Variants in RIPOR2 observed in about 807,000 individuals in gnomAD.
The protein encoded by RIPOR2 is RHO family interacting cell polarization regulator 2, also known as rho family-interacting cell polarization regulator 2.
A neutral mutation model predicts 114.5 loss-of-function variants in RIPOR2; 39 were observed. The observed-to-expected ratio is 0.34, with a 90% CI of 0.26 to 0.44. The LOEUF (loss-of-function observed/expected upper bound fraction) is 0.44. Ranked by LOEUF, RIPOR2 falls within the 20% of genes least tolerant of loss-of-function variation. RIPOR2 has a pLI of 1.00. For synonymous variants in RIPOR2, 445 were observed against 484.4 expected (o/e 0.92, Z 1.07); for missense variants, 1,007 against 1,255.1 (o/e 0.80, Z 2.99).
intron 1 of RIPOR2, among the ~76,000 whole-genome samples, chr6:25,026,836 GC>G (rs1776649764): frequency 1.3e-5 from 2 of 152,190 alleles, no homozygotes; most frequent in South Asian, 4.1e-4. Flanking sequence ...AGAGGCTGAG[GC>G]CTGGGGGAAA....
At chr6:24,824,184 G>A (rs984532318) in intron 19 of RIPOR2, among the ~76,000 whole-genome samples, 1 of 152,182 alleles carries the variant, frequency 6.6e-6, no homozygotes, top group South Asian at 2.1e-4. Context: ...GCATGTTCAC[G>A]ATTCTTTAAT....
At chr6:24,916,434 T>G (rs1250767620) in intron 1 of RIPOR2, among the ~76,000 whole-genome samples, 6 of 152,230 alleles carry the variant, frequency 3.9e-5, no homozygotes, top group African/African-American at 1.2e-4. Flanking sequence ...AACTATGTTT[T>G]GTGCTGCATA....
At chr6:24,882,954 G>C (rs1297713032) in intron 1 of RIPOR2, among the ~76,000 whole-genome samples, 3 of 152,174 alleles carry the variant, frequency 2.0e-5, no homozygotes, top group Non-Finnish European at 4.4e-5. Flanking sequence ...TTTGGCCAGA[G>C]GCTAAAGGAA....
intron 1 of RIPOR2, among the ~76,000 whole-genome samples, chr6:24,941,588 A>C (rs1368201885): frequency 6.6e-6 from 1 of 152,218 alleles, no homozygotes; most frequent in Non-Finnish European, 1.5e-5. Context: ...ATATTAATAC[A>C]TTGTGCTATC....
chr6:25,026,793 G>A (rs1310423011), intron 1 of RIPOR2, among the ~76,000 whole-genome samples: 1 of 152,230 alleles, frequency 6.6e-6, no homozygotes, highest in Admixed American at 6.5e-5. Flanking sequence ...ACATATGGCA[G>A]GAATGCCTCT....
chr6:25,005,738 T>TATACAC lies in RIPOR2; in HGVS notation c.76+36112_76+36113insGTGTAT, dbSNP rs1554130560. 8.1e-3 allele frequency among the ~76,000 whole-genome samples: 573 copies of TATACAC among 70,672 alleles called. 62 individuals are homozygous for TATACAC. Among genetic ancestry groups the TATACAC allele is most frequent in the Non-Finnish European group, 0.014 (407 of 30,010 alleles). 46.4% of individuals were successfully genotyped at this position (70,672 alleles called of 152,430 possible). A position where few individuals can be genotyped will look rare whatever the true frequency, so the allele number is the denominator to read the frequency against. On this transcript the variant is annotated intron_variant, in intron 1 of 13. Coordinates refer to the RIPOR2 transcript ENST00000510784. ...ATATATATATATATATATATATATA[T>TATACAC]ATACATTTACCGATCAAAAGATATG... is the stretch of plus-strand genomic sequence containing the variant.
chr6:25,032,182 A>G (rs1777020100), intron 1 of RIPOR2, among the ~76,000 whole-genome samples: 1 of 148,760 alleles, frequency 6.7e-6, no homozygotes, highest in African/African-American at 2.5e-5. Context: ...CGAATCCTTT[A>G]TGGTGTTTTT....
chr6:24,929,730 C>T (rs756290779), intron 1 of RIPOR2, among the ~76,000 whole-genome samples: 13 of 151,972 alleles, frequency 8.6e-5, no homozygotes, highest in Non-Finnish European at 1.6e-4. Flanking sequence ...TTTTGCCATC[C>T]GAAAATAAAT....
chr6:24,959,974 G>A (rs1695654450), intron 1 of RIPOR2, among the ~76,000 whole-genome samples: 2 of 152,178 alleles, frequency 1.3e-5, no homozygotes, highest in Admixed American at 1.3e-4. Context: ...CTATAACACA[G>A]GTGATGTTTT....
chr6:25,033,091 C>G (rs944272972), intron 1 of RIPOR2, among the ~76,000 whole-genome samples: 65 of 152,222 alleles, frequency 4.3e-4, no homozygotes, highest in African/African-American at 9.1e-4. Context: ...GTGGTCCCAG[C>G]TGCTTGGGAG....
chr6:24,905,386 C>G (rs1000875101), intron 1 of RIPOR2, among the ~76,000 whole-genome samples: 9 of 152,124 alleles, frequency 5.9e-5, no homozygotes, highest in African/African-American at 2.2e-4. Flanking sequence ...TGACGCATCA[C>G]CGAGACAACT....
intron 1 of RIPOR2, among the ~76,000 whole-genome samples, chr6:24,970,703 TG>T (rs571313348): frequency 2.6e-4 from 39 of 151,968 alleles, no homozygotes; most frequent in African/African-American, 8.7e-4. Context: ...AACTGCGGGG[TG>T]GGGAAAGGGT....
intron 12 of RIPOR2, among the ~76,000 whole-genome samples, chr6:24,847,126 AT>A (rs200289763): frequency 0.021 from 3,264 of 151,856 alleles, 123 homozygotes; most frequent in African/African-American, 0.072. Context: ...TAATTTTTGT[AT>A]TTTTTAGTAG....
At chr6:25,007,414 G>A (rs549834341) in intron 1 of RIPOR2, among the ~76,000 whole-genome samples, 36 of 152,204 alleles carry the variant, frequency 2.4e-4, no homozygotes, top group Admixed American at 1.0e-3. Context: ...CACCACGGGC[G>A]CTCAATACTA....
chr6:25,029,411 GAAAAAAAA>G (rs71544610), intron 1 of RIPOR2, among the ~76,000 whole-genome samples: 90 of 90,618 alleles, frequency 9.9e-4, no homozygotes, highest in African/African-American at 3.3e-3. Context: ...TCTCAAAAAA[GAAAAAAAA>G]AAAAAAAAAA....
chr6:24,921,654 C>T (rs1001849780), intron 1 of RIPOR2, among the ~76,000 whole-genome samples: 1 of 149,858 alleles, frequency 6.7e-6, no homozygotes, highest in African/African-American at 2.4e-5. Context: ...ACTTATCGCC[C>T]CCCCCGACCC....
At chr6:24,872,762 T>C in intron 4 of RIPOR2, 119 bp downstream of exon 4, 1 of 657,368 alleles carries the variant, frequency 1.5e-6, no homozygotes, top group South Asian at 1.9e-5. Context: ...GGGATGCAGA[T>C]AGTACTCTGC....
intron 1 of RIPOR2, among the ~76,000 whole-genome samples, chr6:24,951,784 G>C (rs1263222946): frequency 2.0e-5 from 3 of 152,154 alleles, no homozygotes; most frequent in Non-Finnish European, 4.4e-5. Flanking sequence ...TTTTTCACTG[G>C]TCCCTAATTC....
intron 1 of RIPOR2, among the ~76,000 whole-genome samples, chr6:24,956,268 C>T (rs1773039709): frequency 6.6e-6 from 1 of 152,064 alleles, no homozygotes; most frequent in African/African-American, 2.4e-5. Flanking sequence ...CTCTTTTTCC[C>T]TCTTACAATA....
Sources: gnomAD v4.1 joint callset for allele counts (sites outside exome capture counted in the v4.1 genomes callset) on GRCh38, gnomAD v4.1.1 for gene constraint, MANE v1.5 for transcripts, NCBI Gene and HGNC (gene_info 2026-07-23, HGNC 2026-07-21) for gene names.